Variants in HECTD2 observed in about 807,000 individuals in gnomAD.
HECTD2 encodes HECT domain E3 ubiquitin protein ligase 2, also known as probable E3 ubiquitin-protein ligase HECTD2.
In HECTD2, 35 loss-of-function variants were observed where a neutral mutation model predicts 103.2. The observed-to-expected ratio is 0.34, with a 90% confidence interval of 0.26 to 0.45. The LOEUF (loss-of-function observed/expected upper bound fraction) is 0.45, where lower values mean the gene tolerates loss of function less well. Among genes scored for constraint, HECTD2 ranks in the 20% least tolerant of loss-of-function variants. The pLI is 1.00. For synonymous variants in HECTD2, 281 were observed against 329.9 expected (o/e 0.85, Z 1.61); for missense variants, 596 against 937.4 (o/e 0.64, Z 4.76).
chr10:91,499,129 G>C lies in HECTD2; in HGVS notation c.1929G>C (p.Val643=), dbSNP rs1259449374. ...CATTTTATTATGGATTTCATAGTGT[G>C]TGTGCTTCAAATGCCCTAATGGTGA... is the stretch of plus-strand genomic sequence containing the variant. The part of the protein sequence containing the change: ...FAAFYYGFHS[V]CASNALMLLR... The change falls in exon 18 of 21, where the codon GTG becomes GTC. Residue 643 remains valine, a synonymous_variant. Transcript: ENST00000298068. The C allele has an allele frequency of 1.2e-6, 2 of 1,609,982 alleles. No individual in the cohort carries two copies. Among genetic ancestry groups the C allele is most frequent in the African/African-American group, 2.7e-5 (2 of 74,844 alleles).
chr10:91,470,719 A>G (rs560733379), intron 5 of HECTD2, among the ~76,000 whole-genome samples: 31 of 152,232 alleles, frequency 2.0e-4, no homozygotes, highest in Admixed American at 9.2e-4. Context: ...TTCCATCCCA[A>G]GATGGAACCA....
chr10:91,510,368 A>G (rs1820647474), intron 20 of HECTD2, among the ~76,000 whole-genome samples: 3 of 152,254 alleles, frequency 2.0e-5, no homozygotes, highest in Non-Finnish European at 1.5e-5. Flanking sequence ...AGTCAGGCTT[A>G]AAAGATATAC....
intron 14 of HECTD2, among the ~76,000 whole-genome samples, chr10:91,494,754 A>G (rs1181314668): frequency 6.6e-6 from 1 of 152,018 alleles, no homozygotes; most frequent in Non-Finnish European, 1.5e-5. Context: ...TGAATGTTTC[A>G]TCTTCATTGA....
At chr10:91,501,436 T>G in intron 20 of HECTD2, 102 bp downstream of exon 20, 1 of 666,686 alleles carries the variant, frequency 1.5e-6, no homozygotes, top group East Asian at 3.1e-5. Flanking sequence ...TTTGAAGTTA[T>G]TTTCATAGAA....
rs1440159053 is a variant in HECTD2, at chr10:91,501,602, T to TA, written c.2210+269dup. 3.3e-5 allele frequency among the ~76,000 whole-genome samples: 5 copies of TA among 152,258 alleles called. No individual in the cohort carries two copies. In the East Asian group the frequency reaches 9.6e-4, roughly 29 times the overall value. ...TTTGTAGACTCTTTTAGAACCTAGT[T>TA]ACTTTGTAGTAGTAGATTGTCTAAT... is the stretch of plus-strand genomic sequence containing the variant. On this transcript the variant is annotated intron_variant, in intron 20 of 20. Transcript: ENST00000298068.
rs549904811 is a variant in HECTD2 at position 91,449,421 on chromosome 10, A to G, written c.269-11006A>G. ...AAAATAATAAGAACTATTTATGACAAACCCACAGTCAATATCATACTGAAT... is the reference window on the plus strand; with the variant it reads ...AAAATAATAAGAACTATTTATGACAGACCCACAGTCAATATCATACTGAAT... On this transcript the variant is annotated intron_variant, in intron 2 of 20. Coordinates refer to ENST00000298068, the MANE Select transcript of HECTD2 (RefSeq NM_182765.6). Among the ~76,000 whole-genome samples the G allele has an allele frequency of 7.2e-5, 11 of 152,314 alleles. No individual in the cohort carries two copies. The South Asian group carries it at 1.9e-3, about 26-fold the overall frequency.
rs562187761 is a variant in HECTD2, at chr10:91,501,778, CT to C, written c.2210+455del. 7.1e-3 allele frequency among the ~76,000 whole-genome samples: 984 copies of C among 139,478 alleles called. 5 individuals carry two copies. Among genetic ancestry groups the C allele is most frequent in the African/African-American group, 0.018 (685 of 38,186 alleles). 91.5% of individuals were successfully genotyped at this position (139,478 alleles called of 152,430 possible). On this transcript the variant is annotated intron_variant, in intron 20 of 20. Coordinates refer to ENST00000298068, the MANE Select transcript of HECTD2 (RefSeq NM_182765.6). ...CAGAAGTACCTCTAATACTAATCCT[CT>C]TTTTTTTTTTAATCTCATGCTTTTT...
chr10:91,492,580 G>C lies in HECTD2; in HGVS notation c.1432+96G>C, dbSNP rs565001272. 5 of 963,560 alleles carry C rather than the reference G, an allele frequency of 5.2e-6. No individual in the cohort carries two copies. The African/African-American group carries it at 6.6e-5, about 13-fold the overall frequency. The allele number at this position is 963,560 out of a possible 1,614,324, so 59.7% of individuals were successfully genotyped here. ...TTTTAACCTATTCTGTGATTTTACA[G>C]ACTTTTTGTCCATCGTAAATGTTGA... On this transcript the variant is annotated intron_variant, in intron 13 of 20. Coordinates refer to ENST00000298068, the MANE Select transcript of HECTD2 (RefSeq NM_182765.6).
At chr10:91,499,223 A>T in intron 18 of HECTD2, 73 bp downstream of exon 18, 2 of 779,282 alleles carry the variant, frequency 2.6e-6, no homozygotes, top group Non-Finnish European at 4.2e-6. Flanking sequence ...TAATTAATAA[A>T]TATTTTAGTA....
chr10:91,425,323 A>G lies in HECTD2; in HGVS notation c.181A>G (p.Ser61Gly), dbSNP rs1843516020. The change falls in exon 2 of 21, where the codon AGT becomes GGT. Residue 61 changes from serine (S) to glycine (G), a missense_variant. Coordinates refer to ENST00000298068, the MANE Select transcript of HECTD2 (RefSeq NM_182765.6). ...GAKGQISTFSSFISAVSPKKE... is the reference protein window; with the variant it reads ...GAKGQISTFSGFISAVSPKKE... ...CAAAGGCCAAATTTCCACTTTCAGCAGTTTTATTTCAGCTGTTAGCCCGAA... is the reference window on the plus strand; with the variant it reads ...CAAAGGCCAAATTTCCACTTTCAGCGGTTTTATTTCAGCTGTTAGCCCGAA... The G allele has an allele frequency of 6.5e-7, 1 of 1,541,948 alleles. No homozygotes were observed. Among genetic ancestry groups the G allele is most frequent in the Non-Finnish European group, 8.8e-7 (1 of 1,137,780 alleles).
At chr10:91,431,323 C>T (rs1198481411) in intron 2 of HECTD2, among the ~76,000 whole-genome samples, 1 of 151,994 alleles carries the variant, frequency 6.6e-6, no homozygotes, top group Admixed American at 6.6e-5. Context: ...TTTTTTCCTT[C>T]ATTTCAAGTT....
chr10:91,427,806 A>G (rs61877864), intron 2 of HECTD2, among the ~76,000 whole-genome samples: 1 of 151,208 alleles, frequency 6.6e-6, no homozygotes, highest in Middle Eastern at 3.2e-3. Context: ...GTTGCGAAAA[A>G]TTTTTCCCAT....
chr10:91,498,723 A>C (rs1846777164), intron 16 of HECTD2, 149 bp from the exon 17 acceptor site: 1 of 593,274 alleles, frequency 1.7e-6, no homozygotes, highest in African/African-American at 1.9e-5. Context: ...CTCGTTCTTA[A>C]TACAAATATT....
upstream of HECTD2, chr10:91,410,199 G>A (rs1842851917): frequency 6.6e-6 from 1 of 151,830 alleles, no homozygotes; most frequent in South Asian, 2.0e-4. Flanking sequence ...GGCGGGGGAG[G>A]CGAGAGCAAG....
At chr10:91,472,522 C>G (rs757787922) in intron 5 of HECTD2, among the ~76,000 whole-genome samples, 1 of 152,152 alleles carries the variant, frequency 6.6e-6, no homozygotes, top group Non-Finnish European at 1.5e-5. Flanking sequence ...AGTAGACAAC[C>G]TGCAGAATAG....
chr10:91,413,116 G>GA (rs1235854266), intron 1 of HECTD2, among the ~76,000 whole-genome samples: 2 of 151,922 alleles, frequency 1.3e-5, no homozygotes, highest in Non-Finnish European at 2.9e-5. Flanking sequence ...GGCTTTTTCA[G>GA]AAAATCATTG....
intron 2 of HECTD2, among the ~76,000 whole-genome samples, chr10:91,440,253 A>G (rs1844347850): frequency 6.6e-6 from 1 of 152,124 alleles, no homozygotes; most frequent in African/African-American, 2.4e-5. Flanking sequence ...ACATCCCATC[A>G]ATACCTAGTT....
At chr10:91,500,038 T>G (rs1000420323) in intron 18 of HECTD2, among the ~76,000 whole-genome samples, 1 of 152,186 alleles carries the variant, frequency 6.6e-6, no homozygotes, top group African/African-American at 2.4e-5. Flanking sequence ...TCTCTGTGTT[T>G]TAGAGCTTTA....
At chr10:91,492,621 C>A in intron 13 of HECTD2, 137 bp downstream of exon 13, 1 of 684,446 alleles carries the variant, frequency 1.5e-6, no homozygotes, top group Non-Finnish European at 2.4e-6. Context: ...TGTTTAAGGA[C>A]TGTTATTTAC....
Sources: gnomAD v4.1 joint callset for allele counts (sites outside exome capture counted in the v4.1 genomes callset) on GRCh38, gnomAD v4.1.1 for gene constraint, MANE v1.5 for transcripts, NCBI Gene and HGNC (gene_info 2026-07-23, HGNC 2026-07-21) for gene names.